ACER1: variants seen among roughly 807,000 people sequenced by gnomAD.
ACER1 encodes CTB-180A7.3.
In ACER1, 28 loss-of-function variants were observed where a neutral mutation model predicts 24.9. That is an observed-to-expected ratio of 1.13 (90% CI 0.83 to 1.54). The LOEUF is 1.54. Ranked by LOEUF, ACER1 falls within the 40% of genes most tolerant of loss-of-function variation. The probability of loss-of-function intolerance (pLI) is 0.00; values close to 1 mark genes in which losing one functional copy is unlikely to be tolerated. For synonymous variants in ACER1, 132 were observed against 131.4 expected (o/e 1.00, Z -0.03); for missense variants, 352 against 349.3 (o/e 1.01, Z -0.06).
At chr19:6,322,404 T>C (rs1480535236) in intron 1 of ACER1, among the ~76,000 whole-genome samples, 1 of 152,182 alleles carries the variant, frequency 6.6e-6, no homozygotes, top group Non-Finnish European at 1.5e-5. Context: ...CAGCTCCTAT[T>C]TGACTTCCAG....
intron 3 of ACER1, among the ~76,000 whole-genome samples, chr19:6,311,134 G>C (rs774210970): frequency 6.9e-6 from 1 of 144,784 alleles, no homozygotes; most frequent in Non-Finnish European, 1.5e-5. Context: ...CTGGGTCCGG[G>C]TGAATTTAAG....
upstream of ACER1, among the ~76,000 whole-genome samples, chr19:6,335,816 GAA>G (rs2145024831): frequency 6.6e-6 from 1 of 150,894 alleles, no homozygotes; most frequent in South Asian, 2.1e-4. Flanking sequence ...GGGTGACAGA[GAA>G]AGACTCTGTC....
At position 6,312,610 on chromosome 19, in the gene ACER1, G is replaced by A. The variant is rs562249405; in HGVS notation, c.94-111C>T. 31 of 769,480 alleles carry A rather than the reference G, an allele frequency of 4.0e-5. No homozygotes were observed. The South Asian group carries it at 4.0e-4, about 10-fold the overall frequency. 47.7% of individuals were successfully genotyped at this position (769,480 alleles called of 1,614,324 possible). ...CCAGTCGGTTACCTGCTGCATTTCAGGCAATGCATCAACCCAGGATTTGTC... is the reference window on the plus strand; with the variant it reads ...CCAGTCGGTTACCTGCTGCATTTCAAGCAATGCATCAACCCAGGATTTGTC... On this transcript the variant is annotated intron_variant, in intron 1 of 5. Coordinates refer to ENST00000301452, the MANE Select transcript of ACER1 (RefSeq NM_133492.3).
At chr19:6,312,862 A>G (rs28528252) in intron 1 of ACER1, among the ~76,000 whole-genome samples, 19,597 of 151,540 alleles carry the variant, frequency 0.13, 1,602 homozygotes, top group East Asian at 0.28. Context: ...TTTTTGGTAG[A>G]GACAGGGTTT....
At chr19:6,320,278 G>C (rs1336163164) in intron 1 of ACER1, among the ~76,000 whole-genome samples, 1 of 152,032 alleles carries the variant, frequency 6.6e-6, no homozygotes, top group African/African-American at 2.4e-5. Context: ...GCTAATGTTG[G>C]AGGGACGAAG....
chr19:6,324,860 A>AAAGGAAGGAAGGAAGGAAGGAAGGAAGG (rs775468275), intron 1 of ACER1, among the ~76,000 whole-genome samples: 1 of 100,288 alleles, frequency 1.0e-5, no homozygotes, highest in Non-Finnish European at 2.1e-5. Context: ...AGAGAGAGAG[A>AAAGGAAGGAAGGAAGGAAGGAAGGAAGG]AAGGAAGGAA....
the ACER1 span, among the ~76,000 whole-genome samples, chr19:6,339,480 G>T: frequency 3.3e-5 from 5 of 152,112 alleles, no homozygotes; most frequent in African/African-American, 1.2e-4. Flanking sequence ...TAGGGAGTGA[G>T]TGTTTCTTGG....
intron 1 of ACER1, among the ~76,000 whole-genome samples, chr19:6,317,984 A>G (rs146964845): frequency 6.6e-6 from 1 of 151,976 alleles, no homozygotes; most frequent in African/African-American, 2.4e-5. Flanking sequence ...CGAACTCCTG[A>G]ACAAAGCAGA....
Position 6,307,247 on chromosome 19 carries a change from C to G in ACER1, c.532G>C (p.Val178Leu). Reference sequence around the variant, plus strand: ...CTGGTCAGAGCAACAGCCCATAAAACCACGGAGACCTCAATCAGGTGCCGA... The same window carrying G: ...CTGGTCAGAGCAACAGCCCATAAAAGCACGGAGACCTCAATCAGGTGCCGA... Reference protein sequence around the residue: ...ELRHLIEVSVVLWAVALTSWI... With the variant: ...ELRHLIEVSVLLWAVALTSWI... The change falls in exon 5 of 6, where the codon GTT (valine) becomes CTT (leucine). Residue 178 changes from valine to leucine, a missense_variant. Physicochemically the swap from Val to Leu is conservative, Grantham distance 32. Coordinates refer to ENST00000301452, the MANE Select transcript of ACER1 (RefSeq NM_133492.3). 1 of 1,614,076 alleles carries G rather than the reference C, an allele frequency of 6.2e-7. No homozygotes were observed. Among genetic ancestry groups the G allele is most frequent in the East Asian group, 2.2e-5 (1 of 44,880 alleles).
chr19:6,316,579 G>A (rs1403961861), intron 1 of ACER1, among the ~76,000 whole-genome samples: 1 of 152,014 alleles, frequency 6.6e-6, no homozygotes, highest in Non-Finnish European at 1.5e-5. Context: ...CCAGCACTTT[G>A]GGAGGTGGAG....
At position 6,312,182 on chromosome 19, in the gene ACER1, C is replaced by G. The variant is rs770988928; in HGVS notation, c.317G>C (p.Arg106Pro). Reference sequence around the variant, plus strand: ...CCCAAGGAAGGAGGGGAAATAGCAGCGGGGCATCCATATGCTATAGCCACT... The same window carrying G: ...CCCAAGGAAGGAGGGGAAATAGCAGGGGGGCATCCATATGCTATAGCCACT... ...LGSGYSIWMPRCYFPSFLGGN... is the reference protein window; with the variant it reads ...LGSGYSIWMPPCYFPSFLGGN... Residue 106 changes from arginine (R) to proline (P), a missense_variant, in exon 3 of 6, where the codon CGC becomes CCC. By Grantham distance (103) the Arg-to-Pro change is moderately radical. Transcript: ENST00000301452. 8.1e-6 allele frequency: 13 copies of G among 1,613,818 alleles called. No individual in the cohort carries two copies. The highest frequency in any genetic ancestry group is 1.1e-5 in the Non-Finnish European group (13 of 1,179,786).
At position 6,331,157 on chromosome 19, in the gene ACER1, T is replaced by G. The variant is rs1173481720; in HGVS notation, c.93+2302A>C. Among the ~76,000 whole-genome samples the G allele has an allele frequency of 2.7e-5, 4 of 147,400 alleles. 1 individual carries two copies. Among genetic ancestry groups the G allele is most frequent in the Non-Finnish European group, 5.9e-5 (4 of 67,626 alleles). ...ATGCCTGGTACACAGCAAGCACTTT[T>G]TTTTTTTTTTTGAGATGAGGTCTCG... On this transcript the variant is annotated intron_variant, in intron 1 of 5. Transcript: ENST00000301452.
At chr19:6,350,448 G>A in the ACER1 span, among the ~76,000 whole-genome samples, 1 of 152,164 alleles carries the variant, frequency 6.6e-6, no homozygotes, top group African/African-American at 2.4e-5. Context: ...GCGCATGCCT[G>A]TAATCCCAGG....
At chr19:6,356,748 A>C in the ACER1 span, among the ~76,000 whole-genome samples, 1 of 152,030 alleles carries the variant, frequency 6.6e-6, no homozygotes, top group African/African-American at 2.4e-5. Flanking sequence ...CTTTAAAAAC[A>C]TTAGCAGGTC....
Position 6,306,652 on chromosome 19 carries a change from G to A in ACER1, c.*62C>T. On this transcript the variant is annotated 3_prime_UTR_variant, in exon 6 of 6. Coordinates refer to ENST00000301452, the MANE Select transcript of ACER1 (RefSeq NM_133492.3). ...CCCGCAGGTGCAAGTCCTGACCGGG[G>A]CTATCTTCTCAAGACACAGGCAAGT... is the stretch of plus-strand genomic sequence containing the variant. The A allele has an allele frequency of 1.3e-6, 2 of 1,541,892 alleles. No homozygotes were observed. Among genetic ancestry groups the A allele is most frequent in the African/African-American group, 1.4e-5 (1 of 73,552 alleles).
At chr19:6,327,544 G>A (rs924805161) in intron 1 of ACER1, among the ~76,000 whole-genome samples, 19 of 151,360 alleles carry the variant, frequency 1.3e-4, no homozygotes, top group African/African-American at 3.9e-4. Context: ...CAGCCTGGGC[G>A]GCAGAGCGAG....
the ACER1 span, among the ~76,000 whole-genome samples, chr19:6,344,735 A>C: frequency 6.6e-6 from 1 of 151,764 alleles, no homozygotes; most frequent in Non-Finnish European, 1.5e-5. Flanking sequence ...GGTAAATACA[A>C]GGGGGCACAA....
the ACER1 span, among the ~76,000 whole-genome samples, chr19:6,355,534 G>A: frequency 6.6e-6 from 1 of 150,720 alleles, no homozygotes; most frequent in South Asian, 2.1e-4. Context: ...TGGGAAATGA[G>A]GAGCGTCTCT....
intron 1 of ACER1, among the ~76,000 whole-genome samples, chr19:6,321,289 C>A (rs2091629499): frequency 6.6e-6 from 1 of 151,932 alleles, no homozygotes; most frequent in African/African-American, 2.4e-5. Context: ...GAGCCCATCA[C>A]CATGCTTGTC....
Sources: allele counts gnomAD v4.1 joint callset (sites outside exome capture counted in the v4.1 genomes callset), GRCh38; gene constraint gnomAD v4.1.1; transcripts MANE v1.5; gene names NCBI Gene and HGNC (gene_info 2026-07-23, HGNC 2026-07-21).